CPNE8: variants seen among roughly 807,000 people sequenced by gnomAD.
CPNE8 encodes copine 8, also known as copine-8.
In CPNE8, 45 loss-of-function variants were observed where a neutral mutation model predicts 81.5. The observed-to-expected ratio is 0.55, with a 90% CI of 0.44 to 0.71. The LOEUF is 0.71. CPNE8 is among the 30% of genes least tolerant of loss of function. The pLI, the probability that CPNE8 is intolerant of heterozygous loss-of-function variation, is 0.00. For missense variants in CPNE8, 594 were observed against 672.1 expected, an observed-to-expected ratio of 0.88 and a Z score of 1.28; for synonymous variants, 252 against 226.3, an observed-to-expected ratio of 1.11 and a Z score of -1.02.
intron 10 of CPNE8, among the ~76,000 whole-genome samples, chr12:38,751,818 T>A (rs766987067): frequency 6.6e-6 from 1 of 152,192 alleles, no homozygotes; most frequent in Non-Finnish European, 1.5e-5. Flanking sequence ...TTTGTCTAAT[T>A]CACAATAGTC....
chr12:38,799,387 G>C (rs534715911), intron 6 of CPNE8, among the ~76,000 whole-genome samples: 95 of 152,196 alleles, frequency 6.2e-4, no homozygotes, highest in Non-Finnish European at 9.1e-4. Context: ...TCAGGATTAA[G>C]AAACTCACTC....
At chr12:38,819,143 T>C (rs1943074023) in intron 6 of CPNE8, among the ~76,000 whole-genome samples, 1 of 152,224 alleles carries the variant, frequency 6.6e-6, no homozygotes, top group Non-Finnish European at 1.5e-5. Flanking sequence ...TTTAATTAGA[T>C]CCCATTTGTC....
At chr12:38,745,354 C>T (rs535988877) in intron 10 of CPNE8, among the ~76,000 whole-genome samples, 1 of 152,292 alleles carries the variant, frequency 6.6e-6, no homozygotes, top group Non-Finnish European at 1.5e-5. Context: ...CATTATACCT[C>T]TCTCAGGAAA....
intron 6 of CPNE8, among the ~76,000 whole-genome samples, chr12:38,819,387 G>T (rs1396728302): frequency 6.6e-6 from 1 of 152,112 alleles, no homozygotes; most frequent in Admixed American, 6.5e-5. Flanking sequence ...ATGCAATCAA[G>T]TTAGCCACTG....
intron 7 of CPNE8, among the ~76,000 whole-genome samples, chr12:38,768,459 G>A (rs943429621): frequency 1.3e-5 from 2 of 152,088 alleles, no homozygotes; most frequent in Middle Eastern, 3.2e-3. Flanking sequence ...AGTAGAAAAT[G>A]TATTGTTATT....
chr12:38,827,850 G>GAA (rs143899112), intron 6 of CPNE8, among the ~76,000 whole-genome samples: 391 of 152,190 alleles, frequency 2.6e-3, no homozygotes, highest in African/African-American at 8.9e-3. Context: ...AGTGAGGACC[G>GAA]AAAAACTACC....
intron 4 of CPNE8, among the ~76,000 whole-genome samples, chr12:38,842,671 G>A (rs1943492376): frequency 6.7e-6 from 1 of 149,394 alleles, no homozygotes; most frequent in South Asian, 2.1e-4. Flanking sequence ...CGCCTCCCCG[G>A]TCCAAGTGAT....
intron 15 of CPNE8, 133 bp downstream of exon 15, chr12:38,693,524 C>T: frequency 1.4e-6 from 1 of 728,164 alleles, no homozygotes. Flanking sequence ...ACTCCAAAGT[C>T]AATTACTTAC....
chr12:38,672,226 C>G (rs926045602), intron 18 of CPNE8, among the ~76,000 whole-genome samples: 2 of 152,166 alleles, frequency 1.3e-5, no homozygotes, highest in Non-Finnish European at 2.9e-5. Flanking sequence ...GTCTCACTTT[C>G]CACAGTCTTC....
intron 1 of CPNE8, among the ~76,000 whole-genome samples, chr12:38,876,815 G>A (rs1944074404): frequency 6.6e-6 from 1 of 152,094 alleles, no homozygotes; most frequent in Admixed American, 6.6e-5. Flanking sequence ...TCGCAAAGTT[G>A]GAAAAGGAAA....
At chr12:38,901,226 A>C (rs1944457242) in intron 1 of CPNE8, among the ~76,000 whole-genome samples, 1 of 152,208 alleles carries the variant, frequency 6.6e-6, no homozygotes, top group South Asian at 2.1e-4. Flanking sequence ...ATCTCAAATA[A>C]ATAAATAGTC....
At chr12:38,873,243 A>T (rs996610707) in intron 2 of CPNE8, among the ~76,000 whole-genome samples, 193 bp from the exon 3 acceptor site, 5 of 152,222 alleles carry the variant, frequency 3.3e-5, no homozygotes, top group Non-Finnish European at 7.3e-5. Context: ...AGCAGAAAAC[A>T]AACTGTTATG....
chr12:38,762,292 C>G (rs938648909), intron 8 of CPNE8, 76 bp from the exon 9 acceptor site: 2 of 726,122 alleles, frequency 2.8e-6, no homozygotes, highest in Non-Finnish European at 4.3e-6. Context: ...AGCCATTCCT[C>G]TGCTTACTTT....
chr12:38,663,941 G>C (rs1030408815), intron 19 of CPNE8, among the ~76,000 whole-genome samples: 2 of 152,084 alleles, frequency 1.3e-5, no homozygotes, highest in African/African-American at 4.8e-5. Flanking sequence ...TAGAAATAGA[G>C]AGTAGAATAG....
At chr12:38,742,054 G>T (rs1197088432) in intron 10 of CPNE8, among the ~76,000 whole-genome samples, 1 of 152,124 alleles carries the variant, frequency 6.6e-6, no homozygotes, top group Non-Finnish European at 1.5e-5. Context: ...GGAGAAATAG[G>T]AACACTTTTA....
At chr12:38,778,824 G>T (rs1941987735) in intron 6 of CPNE8, among the ~76,000 whole-genome samples, 5 of 152,150 alleles carry the variant, frequency 3.3e-5, no homozygotes, top group Admixed American at 2.6e-4. Context: ...TACAGCAGGT[G>T]TTTAGTTTAT....
intron 3 of CPNE8, among the ~76,000 whole-genome samples, chr12:38,868,179 T>C (rs981060218): frequency 6.6e-6 from 1 of 152,072 alleles, no homozygotes; most frequent in African/African-American, 2.4e-5. Context: ...CATCAATAAA[T>C]TGATTTTACA....
chr12:38,740,235 T>G (rs1182326584), intron 10 of CPNE8, among the ~76,000 whole-genome samples: 1 of 152,204 alleles, frequency 6.6e-6, no homozygotes, highest in Non-Finnish European at 1.5e-5. Context: ...TTGTGATTTT[T>G]GCACATTGAT....
chr12:38,870,833 T>A (rs1319698207), intron 3 of CPNE8, among the ~76,000 whole-genome samples: 1 of 151,116 alleles, frequency 6.6e-6, no homozygotes, highest in African/African-American at 2.4e-5. Context: ...AATAAAAATT[T>A]AAATAATTTA....
Sources: allele counts gnomAD v4.1 joint callset (sites outside exome capture counted in the v4.1 genomes callset), GRCh38; gene constraint gnomAD v4.1.1; transcripts MANE v1.5; gene names NCBI Gene and HGNC (gene_info 2026-07-23, HGNC 2026-07-21).